The following CDH12 variants were observed in gnomAD, a reference collection of about 807,000 sequenced individuals.
CDH12 encodes the protein cadherin-12.
CDH12 carries 41 observed loss-of-function variants against 74.1 expected under a neutral mutation model. The observed-to-expected ratio is 0.55, with a 90% CI of 0.43 to 0.72. The LOEUF is 0.72. Ranked by LOEUF, CDH12 falls within the 30% of genes least tolerant of loss-of-function variation. The probability of loss-of-function intolerance (pLI) is 0.00; values close to 1 mark genes in which losing one functional copy is unlikely to be tolerated. For missense variants in CDH12, 945 were observed against 977.2 expected (o/e 0.97, Z 0.44); for synonymous variants, 399 against 355.0 (o/e 1.12, Z -1.39).
At chr5:22,060,382 C>G (rs1741109018) in intron 5 of CDH12, among the ~76,000 whole-genome samples, 1 of 151,976 alleles carries the variant, frequency 6.6e-6, no homozygotes, top group Non-Finnish European at 1.5e-5. Flanking sequence ...GGACTTAAAA[C>G]CTAGATGATG....
At chr5:21,986,745 CA>C (rs902118217) in intron 5 of CDH12, among the ~76,000 whole-genome samples, 2 of 151,886 alleles carry the variant, frequency 1.3e-5, no homozygotes, top group African/African-American at 4.8e-5. Flanking sequence ...AAATAAATGC[CA>C]ATAATCAGCT....
At chr5:22,775,369 T>C (rs539594771) in intron 1 of CDH12, among the ~76,000 whole-genome samples, 28 of 152,236 alleles carry the variant, frequency 1.8e-4, no homozygotes, top group African/African-American at 6.5e-4. Context: ...CTTAGGCTCA[T>C]AGTGGTTCAC....
Position 21,784,653 on chromosome 5 carries a change from T to C in CDH12, c.1257-1159A>G, listed in dbSNP as rs193157971. ...AGCCTGGAACCAAAGAGAGATCATT[T>C]CAAACAATGGCTGAAAGCAGATGGC... On this transcript the variant is annotated intron_variant, in intron 10 of 14. Coordinates refer to ENST00000382254, the MANE Select transcript of CDH12 (RefSeq NM_004061.5). 4.1e-3 allele frequency among the ~76,000 whole-genome samples: 621 copies of C among 152,298 alleles called. 3 individuals are homozygous for C. Among genetic ancestry groups the C allele is most frequent in the Middle Eastern group, 6.8e-3 (2 of 292 alleles).
chr5:22,763,121 T>G (rs1261604258), intron 1 of CDH12, among the ~76,000 whole-genome samples: 6 of 152,032 alleles, frequency 3.9e-5, no homozygotes, highest in Admixed American at 1.3e-4. Flanking sequence ...GAGTTAAAAT[T>G]TGACAGTCTA....
chr5:22,787,171 TTCTTA>T (rs1022287222), intron 1 of CDH12, among the ~76,000 whole-genome samples: 9 of 151,898 alleles, frequency 5.9e-5, no homozygotes, highest in African/African-American at 2.2e-4. Flanking sequence ...CCACAGCCAA[TTCTTA>T]TCTTGATTAC....
intron 7 of CDH12, among the ~76,000 whole-genome samples, 178 bp from the exon 8 acceptor site, chr5:21,842,506 T>G (rs574823087): frequency 6.6e-6 from 1 of 152,252 alleles, no homozygotes; most frequent in South Asian, 2.1e-4. Flanking sequence ...GGACATAATT[T>G]AAAATATTAT....
Position 22,825,079 on chromosome 5 carries a change from C to T in CDH12, c.-523+27979G>A, listed in dbSNP as rs190304774. Among the ~76,000 whole-genome samples, 344 of 152,072 alleles carry T rather than the reference C, an allele frequency of 2.3e-3. 1 individual carries two copies. The highest frequency in any genetic ancestry group is 4.2e-3 in the Non-Finnish European group (285 of 67,948). ...AGAAATAGAGATATCTCTACAATCA[C>T]GCATTCATTTACCCATTCATTTATT... On this transcript the variant is annotated intron_variant, in intron 1 of 14. Transcript: ENST00000382254.
chr5:22,041,000 T>C (rs1739535480), intron 5 of CDH12, among the ~76,000 whole-genome samples: 1 of 151,968 alleles, frequency 6.6e-6, no homozygotes, highest in African/African-American at 2.4e-5. Flanking sequence ...AAAATAGCAA[T>C]AGCTACAATA....
At chr5:21,785,668 T>A (rs542450174) in intron 10 of CDH12, among the ~76,000 whole-genome samples, 1 of 152,202 alleles carries the variant, frequency 6.6e-6, no homozygotes, top group Non-Finnish European at 1.5e-5. Flanking sequence ...CCTAGCTGTC[T>A]TCTGTTCTAT....
intron 1 of CDH12, among the ~76,000 whole-genome samples, chr5:22,834,307 T>C (rs1262644608): frequency 2.0e-5 from 3 of 152,070 alleles, no homozygotes; most frequent in Non-Finnish European, 4.4e-5. Flanking sequence ...AACTGACTAA[T>C]TTATAATAAT....
intron 1 of CDH12, among the ~76,000 whole-genome samples, chr5:22,622,514 C>T (rs1395080691): frequency 6.6e-6 from 1 of 152,164 alleles, no homozygotes; most frequent in African/African-American, 2.4e-5. Flanking sequence ...CACAGAAATA[C>T]AAACTACCAT....
chr5:22,238,196 T>A (rs1035574977), intron 3 of CDH12, among the ~76,000 whole-genome samples: 3 of 152,158 alleles, frequency 2.0e-5, no homozygotes, highest in African/African-American at 7.2e-5. Context: ...ACACCTGCTA[T>A]AACGGAGAAG....
At chr5:22,758,407 C>T (rs2127050482) in intron 1 of CDH12, among the ~76,000 whole-genome samples, 1 of 152,262 alleles carries the variant, frequency 6.6e-6, no homozygotes, top group South Asian at 2.1e-4. Context: ...GGGCATGTGT[C>T]CTCGCTTGCC....
At chr5:21,824,716 A>C (rs1309398001) in intron 8 of CDH12, among the ~76,000 whole-genome samples, 1 of 152,166 alleles carries the variant, frequency 6.6e-6, no homozygotes, top group Non-Finnish European at 1.5e-5. Context: ...GGAAGGCCCC[A>C]TTCACCAAAC....
chr5:21,761,705 T>C (rs1744726631), intron 12 of CDH12, among the ~76,000 whole-genome samples: 1 of 150,860 alleles, frequency 6.6e-6, no homozygotes. Context: ...CAGATAGATG[T>C]TAGATATGTA....
At chr5:22,187,656 A>G (rs1024672836) in intron 4 of CDH12, among the ~76,000 whole-genome samples, 1 of 141,222 alleles carries the variant, frequency 7.1e-6, no homozygotes, top group Non-Finnish European at 1.5e-5. Context: ...TGAAAGAGGA[A>G]AAAAAAAAGA....
intron 2 of CDH12, among the ~76,000 whole-genome samples, chr5:22,419,189 C>T (rs542710404): frequency 3.9e-5 from 6 of 152,180 alleles, no homozygotes; most frequent in African/African-American, 1.2e-4. Flanking sequence ...GCAGGACGTG[C>T]AAGTTTGTTA....
intron 6 of CDH12, among the ~76,000 whole-genome samples, chr5:21,919,461 C>T (rs1394792415): frequency 2.0e-5 from 3 of 152,064 alleles, no homozygotes; most frequent in African/African-American, 7.2e-5. Flanking sequence ...CGTTTCAATT[C>T]CACTTATGAA....
intron 4 of CDH12, among the ~76,000 whole-genome samples, chr5:22,117,489 T>TAATATATATTA (rs1491147762): frequency 4.1e-5 from 2 of 48,606 alleles, no homozygotes; most frequent in African/African-American, 1.5e-4. Flanking sequence ...TATATATATA[T>TAATATATATTA]TATATATATA....
Sources: gnomAD v4.1 joint callset for allele counts (sites outside exome capture counted in the v4.1 genomes callset) on GRCh38, gnomAD v4.1.1 for gene constraint, MANE v1.5 for transcripts, NCBI Gene and HGNC (gene_info 2026-07-23, HGNC 2026-07-21) for gene names.